The following SUGCT variants were observed in gnomAD, a reference collection of about 807,000 sequenced individuals.
SUGCT encodes the protein succinyl-CoA:glutarate-CoA transferase.
SUGCT carries 41 observed loss-of-function variants against 55.0 expected under a neutral mutation model. The ratio of observed to expected loss-of-function variants is 0.74; its 90% CI spans 0.58 to 0.97. The LOEUF (loss-of-function observed/expected upper bound fraction) is 0.97, where lower values mean the gene tolerates loss of function less well. Ranked by LOEUF, SUGCT falls within the 50% of genes least tolerant of loss-of-function variation. SUGCT has a pLI of 0.00. For missense variants in SUGCT, 568 were observed against 547.8 expected, an observed-to-expected ratio of 1.04 and a Z score of -0.37; for synonymous variants, 187 against 200.4, an observed-to-expected ratio of 0.93 and a Z score of 0.56.
At chr7:40,666,673 T>C (rs1801659356) in intron 12 of SUGCT, among the ~76,000 whole-genome samples, 1 of 152,066 alleles carries the variant, frequency 6.6e-6, no homozygotes, top group Non-Finnish European at 1.5e-5. Flanking sequence ...TCAGATATAA[T>C]ACATTTATGT....
At chr7:40,828,910 G>C (rs1404120817) in intron 13 of SUGCT, among the ~76,000 whole-genome samples, 1 of 152,136 alleles carries the variant, frequency 6.6e-6, no homozygotes, top group Non-Finnish European at 1.5e-5. Context: ...CGGTTTGGGG[G>C]CATGACTTTA....
At chr7:40,303,767 A>T (rs979301627) in intron 8 of SUGCT, among the ~76,000 whole-genome samples, 10 of 152,166 alleles carry the variant, frequency 6.6e-5, no homozygotes, top group Admixed American at 2.6e-4. Context: ...CCATACTTCC[A>T]TCGTTTTGTG....
At chr7:40,801,105 T>A (rs1383526530) in intron 13 of SUGCT, among the ~76,000 whole-genome samples, 1 of 152,176 alleles carries the variant, frequency 6.6e-6, no homozygotes, top group Non-Finnish European at 1.5e-5. Flanking sequence ...CCATTGTGAG[T>A]ACTAATAGGT....
chr7:40,207,908 A>G (rs752865602), intron 6 of SUGCT, among the ~76,000 whole-genome samples: 38 of 152,226 alleles, frequency 2.5e-4, no homozygotes, highest in African/African-American at 7.7e-4. Context: ...ACGCATTTTC[A>G]TAGCAGCATT....
chr7:40,567,782 G>C (rs922950462), intron 12 of SUGCT, among the ~76,000 whole-genome samples: 3 of 152,190 alleles, frequency 2.0e-5, no homozygotes, highest in Non-Finnish European at 4.4e-5. Context: ...GCTTCTCTAA[G>C]TAAACCGTGT....
At chr7:40,481,913 C>G (rs935031030) in intron 11 of SUGCT, among the ~76,000 whole-genome samples, 1 of 152,126 alleles carries the variant, frequency 6.6e-6, no homozygotes, top group East Asian at 1.9e-4. Flanking sequence ...ACAGATAATA[C>G]AGATTTTATT....
intron 6 of SUGCT, among the ~76,000 whole-genome samples, chr7:40,225,496 G>A (rs1262661820): frequency 6.6e-6 from 1 of 151,336 alleles, no homozygotes; most frequent in Admixed American, 6.6e-5. Flanking sequence ...TAGTACAGTG[G>A]CATGATCTTG....
chr7:40,746,665 A>G (rs1033330512), intron 12 of SUGCT, among the ~76,000 whole-genome samples: 4 of 152,216 alleles, frequency 2.6e-5, no homozygotes, highest in African/African-American at 7.2e-5. Context: ...TACGCTCTTT[A>G]AACTGCTTCC....
At chr7:40,723,363 A>G (rs1786449692) in intron 12 of SUGCT, among the ~76,000 whole-genome samples, 1 of 152,116 alleles carries the variant, frequency 6.6e-6, no homozygotes, top group Non-Finnish European at 1.5e-5. Flanking sequence ...TGCCCACTCT[A>G]GTGGTGTTTA....
chr7:40,741,710 T>G (rs1787470194), intron 12 of SUGCT, among the ~76,000 whole-genome samples: 1 of 152,220 alleles, frequency 6.6e-6, no homozygotes, highest in East Asian at 1.9e-4. Context: ...TCAGTTAAAT[T>G]ATGGAGTATT....
At chr7:40,623,857 G>A (rs558236968) in intron 12 of SUGCT, among the ~76,000 whole-genome samples, 2 of 152,284 alleles carry the variant, frequency 1.3e-5, no homozygotes, top group South Asian at 2.1e-4. Flanking sequence ...AAGAAATAGA[G>A]TTGTAAATAT....
At chr7:40,528,754 A>G (rs931416059) in intron 12 of SUGCT, among the ~76,000 whole-genome samples, 2 of 152,190 alleles carry the variant, frequency 1.3e-5, no homozygotes, top group Non-Finnish European at 2.9e-5. Context: ...GGTAATGCCA[A>G]GTTCCTACTT....
chr7:40,452,767 T>G (rs1156604671), intron 10 of SUGCT, among the ~76,000 whole-genome samples: 1 of 152,144 alleles, frequency 6.6e-6, no homozygotes, highest in Admixed American at 6.5e-5. Flanking sequence ...ATAAATGACA[T>G]CTATGAAAAT....
intron 9 of SUGCT, among the ~76,000 whole-genome samples, chr7:40,356,502 C>T (rs1583497124): frequency 6.6e-6 from 1 of 152,148 alleles, no homozygotes; most frequent in Non-Finnish European, 1.5e-5. Context: ...GAATATTAAA[C>T]TTCTATTTCT....
At chr7:40,338,394 G>A (rs1345043557) in intron 9 of SUGCT, among the ~76,000 whole-genome samples, 3 of 152,142 alleles carry the variant, frequency 2.0e-5, no homozygotes, top group Admixed American at 6.5e-5. Context: ...CCAATCAGAC[G>A]TAGATTTGGT....
intron 1 of SUGCT, among the ~76,000 whole-genome samples, chr7:40,164,131 T>G (rs1000594163): frequency 6.6e-6 from 1 of 151,776 alleles, no homozygotes; most frequent in African/African-American, 2.4e-5. Context: ...TTGACTTTTT[T>G]TTTTTTTTTT....
intron 9 of SUGCT, among the ~76,000 whole-genome samples, chr7:40,387,351 A>G (rs1160368098): frequency 6.6e-6 from 1 of 152,158 alleles, no homozygotes; most frequent in Non-Finnish European, 1.5e-5. Flanking sequence ...CAGATCGGAT[A>G]CATGGCCCAC....
chr7:40,594,354 G>T (rs1278075847), intron 12 of SUGCT, among the ~76,000 whole-genome samples: 2 of 149,632 alleles, frequency 1.3e-5, no homozygotes, highest in East Asian at 2.0e-4. Flanking sequence ...AAAAAAATAT[G>T]ATGTAAAATC....
chr7:40,329,702 AT>A (rs903208627), intron 9 of SUGCT, among the ~76,000 whole-genome samples: 60 of 152,102 alleles, frequency 3.9e-4, no homozygotes, highest in African/African-American at 1.4e-3. Context: ...TGCACAGGTG[AT>A]TTGTTTTCCT....
Sources: allele counts gnomAD v4.1 joint callset (sites outside exome capture counted in the v4.1 genomes callset), GRCh38; gene constraint gnomAD v4.1.1; transcripts MANE v1.5; gene names NCBI Gene and HGNC (gene_info 2026-07-23, HGNC 2026-07-21).